Variants in LMO1 observed in about 807,000 individuals in gnomAD.
The protein encoded by LMO1 is LIM domain only 1, also known as rhombotin-1.
A neutral mutation model predicts 18.0 loss-of-function variants in LMO1; 10 were observed. The ratio of observed to expected loss-of-function variants is 0.55; its 90% confidence interval spans 0.34 to 0.94. The LOEUF is 0.94. Among genes scored for constraint, LMO1 ranks in the 40% least tolerant of loss-of-function variants. The pLI is 0.02. For missense variants in LMO1, 183 were observed against 205.7 expected (o/e 0.89, Z 0.68); for synonymous variants, 77 against 77.9 (o/e 0.99, Z 0.06).
intron 1 of LMO1, among the ~76,000 whole-genome samples, chr11:8,238,352 G>A (rs1268482717): frequency 6.6e-6 from 1 of 152,162 alleles, no homozygotes; most frequent in Non-Finnish European, 1.5e-5. Context: ...TCCCAAACAG[G>A]CAAAACCGAT....
Position 8,224,599 on chromosome 11 carries a change from A to C in LMO1, c.*17T>G, listed in dbSNP as rs1952500032. On this transcript the variant is annotated 3_prime_UTR_variant, in exon 4 of 4. Coordinates refer to ENST00000335790, the MANE Select transcript of LMO1 (RefSeq NM_002315.3). ...CGGGCAGATGGACAGACGGGCCTGG[A>C]GGCCAGGCGCCGGGCGTTACTGAAC... 1 of 1,510,538 alleles carries C rather than the reference A, an allele frequency of 6.6e-7. No homozygotes were observed. The highest frequency in any genetic ancestry group is 1.2e-5 in the South Asian group (1 of 85,130). The allele number at this position is 1,510,538 out of a possible 1,614,324, so 93.6% of individuals were successfully genotyped here.
chr11:8,261,726 T>G (rs1452014719), intron 1 of LMO1, among the ~76,000 whole-genome samples: 1 of 152,120 alleles, frequency 6.6e-6, no homozygotes, highest in South Asian at 2.1e-4. Flanking sequence ...GAGTTCGTGA[T>G]GAAAGGCACC....
chr11:8,251,961 TGTGTGTGGGGGTGTGC>T (rs148137886), intron 1 of LMO1, among the ~76,000 whole-genome samples: 12,884 of 140,914 alleles, frequency 0.091, 608 homozygotes, highest in African/African-American at 0.12. Context: ...AGTGTGTGTT[TGTGTGTGGGGGTGTGC>T]GTGTGTGGGG....
At chr11:8,264,779 A>C (rs911074149), upstream of LMO1, among the ~76,000 whole-genome samples, 3 of 152,002 alleles carry the variant, frequency 2.0e-5, no homozygotes, top group Non-Finnish European at 4.4e-5. Flanking sequence ...TTACAGGCAC[A>C]CACCACCACG....
At chr11:8,227,170 G>C in intron 2 of LMO1, 70 bp from the exon 3 acceptor site, 1 of 1,564,868 alleles carries the variant, frequency 6.4e-7, no homozygotes. Flanking sequence ...GAAAGGAGTT[G>C]CCTCCATCCA....
chr11:8,230,791 C>A (rs1177867825), intron 1 of LMO1, among the ~76,000 whole-genome samples: 1 of 152,214 alleles, frequency 6.6e-6, no homozygotes, highest in Non-Finnish European at 1.5e-5. Context: ...CTGAGTTGTT[C>A]CTCCCTACCA....
chr11:8,253,086 C>G (rs570968131), intron 1 of LMO1, among the ~76,000 whole-genome samples: 2 of 152,312 alleles, frequency 1.3e-5, no homozygotes, highest in East Asian at 3.9e-4. Flanking sequence ...TGGAGTGTTT[C>G]GAGGAGAGGA....
chr11:8,267,519 C>A (rs1297218837), upstream of LMO1, among the ~76,000 whole-genome samples: 1 of 152,190 alleles, frequency 6.6e-6, no homozygotes, highest in Non-Finnish European at 1.5e-5. Context: ...CGGATGGTCT[C>A]TGGGTCAGCC....
intron 1 of LMO1, among the ~76,000 whole-genome samples, chr11:8,247,215 A>G (rs552092145): frequency 7.9e-5 from 12 of 152,324 alleles, no homozygotes; most frequent in Admixed American, 7.2e-4. Flanking sequence ...CCACGAGTAC[A>G]TAACAGTATG....
At chr11:8,230,572 C>T (rs1294766005) in intron 1 of LMO1, 68 bp from the exon 2 acceptor site, 18 of 1,497,160 alleles carry the variant, frequency 1.2e-5, no homozygotes, top group Non-Finnish European at 1.6e-5. Context: ...GGAATATCCC[C>T]CAAGAATGGG....
intron 1 of LMO1, among the ~76,000 whole-genome samples, chr11:8,255,094 G>T (rs772246512): frequency 7.2e-5 from 11 of 152,186 alleles, no homozygotes; most frequent in Non-Finnish European, 2.9e-5. Context: ...ACCTTCAAGA[G>T]CAGAATCTGC....
intron 3 of LMO1, among the ~76,000 whole-genome samples, chr11:8,225,207 T>C (rs1565173475): frequency 1.3e-5 from 2 of 148,966 alleles, no homozygotes; most frequent in Non-Finnish European, 3.0e-5. Context: ...AAGTCAGGAG[T>C]TTAAGACCAG....
intron 1 of LMO1, among the ~76,000 whole-genome samples, chr11:8,240,527 T>C (rs1016281405): frequency 3.9e-5 from 6 of 152,170 alleles, no homozygotes; most frequent in Non-Finnish European, 7.3e-5. Context: ...AATTTATTTC[T>C]CACAGTTCTG....
At chr11:8,229,189 G>A (rs1952605721) in intron 2 of LMO1, among the ~76,000 whole-genome samples, 2 of 152,110 alleles carry the variant, frequency 1.3e-5, no homozygotes, top group Admixed American at 6.5e-5. Context: ...CGCCTAGCCT[G>A]AACATTCTTC....
At chr11:8,240,603 TC>T (rs1288942227) in intron 1 of LMO1, among the ~76,000 whole-genome samples, 39 of 151,976 alleles carry the variant, frequency 2.6e-4, no homozygotes, top group African/African-American at 7.5e-4. Flanking sequence ...GCTTCTTGGA[TC>T]ATTAGATGGC....
At position 8,238,046 on chromosome 11, in the gene LMO1, A is replaced by G. The variant is rs578221113; in HGVS notation, c.26-7542T>C. Reference sequence around the variant, plus strand: ...TTTAGTTGTATCTTATGACCCAACAATTATATTCCTAGGTATATGCCCAAC... The same window carrying G: ...TTTAGTTGTATCTTATGACCCAACAGTTATATTCCTAGGTATATGCCCAAC... On this transcript the variant is annotated intron_variant, in intron 1 of 3. Coordinates refer to ENST00000335790, the MANE Select transcript of LMO1 (RefSeq NM_002315.3). 5.3e-5 allele frequency among the ~76,000 whole-genome samples: 8 copies of G among 152,360 alleles called. No individual in the cohort carries two copies. The East Asian group carries it at 1.2e-3, about 22-fold the overall frequency.
intron 1 of LMO1, among the ~76,000 whole-genome samples, chr11:8,240,723 T>G (rs558103320): frequency 6.6e-6 from 1 of 152,070 alleles, no homozygotes; most frequent in African/African-American, 2.4e-5. Flanking sequence ...CATGACCTAA[T>G]CACCCCCAAA....
intron 1 of LMO1, among the ~76,000 whole-genome samples, chr11:8,257,955 T>C (rs1847125202): frequency 6.6e-6 from 1 of 152,234 alleles, no homozygotes; most frequent in Non-Finnish European, 1.5e-5. Context: ...ATCAAATGTG[T>C]ACATGGACAG....
intron 3 of LMO1, among the ~76,000 whole-genome samples, chr11:8,225,433 GGC>G (rs1952520470): frequency 1.0e-5 from 1 of 96,346 alleles, no homozygotes; most frequent in Admixed American, 1.1e-4. Context: ...AAAAAAAAAA[GGC>G]AGAGATGGGT....
Sources: gnomAD v4.1 joint callset for allele counts (sites outside exome capture counted in the v4.1 genomes callset) on GRCh38, gnomAD v4.1.1 for gene constraint, MANE v1.5 for transcripts, NCBI Gene and HGNC (gene_info 2026-07-23, HGNC 2026-07-21) for gene names.